ADCY10: variants seen among roughly 807,000 people sequenced by gnomAD.
ADCY10 encodes the protein adenylate cyclase type 10.
In ADCY10, 156 loss-of-function variants were observed where a neutral mutation model predicts 183.3. The ratio of observed to expected loss-of-function variants is 0.85; its 90% CI spans 0.75 to 0.97. ADCY10 has a LOEUF of 0.97. ADCY10 is among the 50% of genes least tolerant of loss of function. ADCY10 has a pLI of 0.00. For synonymous variants in ADCY10, 645 were observed against 670.0 expected (o/e 0.96, Z 0.58); for missense variants, 1,745 against 1,934.3 (o/e 0.90, Z 1.84).
At chr1:167,858,699 GACATTGAAAGATGAGC>G (rs1666080812) in intron 16 of ADCY10, among the ~76,000 whole-genome samples, 1 of 152,098 alleles carries the variant, frequency 6.6e-6, no homozygotes, top group East Asian at 1.9e-4. Context: ...CCAAAGAGGT[GACATTGAAAGATGAGC>G]ACCATTTCTC....
chr1:167,820,018 T>C, intron 30 of ADCY10: 1 of 1,564,728 alleles, frequency 6.4e-7, no homozygotes, highest in South Asian at 1.1e-5. Flanking sequence ...CTTTCTTCTT[T>C]TTTCCTATGA....
intron 30 of ADCY10, among the ~76,000 whole-genome samples, chr1:167,819,353 C>A (rs1053105900): frequency 6.7e-6 from 1 of 149,634 alleles, no homozygotes; most frequent in Non-Finnish European, 1.5e-5. Flanking sequence ...CTGGTTGAAG[C>A]AATTCTCCTG....
rs191827277 is a variant in ADCY10, at chr1:167,885,100, G to A, written c.829-1472C>T. Among the ~76,000 whole-genome samples, 11 of 150,112 alleles carry A rather than the reference G, an allele frequency of 7.3e-5. No homozygotes were observed. In the East Asian group the frequency reaches 1.6e-3, roughly 21 times the overall value. On this transcript the variant is annotated intron_variant, in intron 8 of 32. Coordinates refer to ENST00000367851, the MANE Select transcript of ADCY10 (RefSeq NM_018417.6). ...TATAATGACCTCCACTTCCATCCAC[G>A]TTGTTGCAAATGACAGATCTCATTT...
chr1:167,818,209 G>T lies in ADCY10; in HGVS notation c.4345C>A (p.Leu1449Ile), dbSNP rs749690491. 1.9e-6 allele frequency: 3 copies of T among 1,614,140 alleles called. No homozygotes were observed. The highest frequency in any genetic ancestry group is 2.5e-6 in the Non-Finnish European group (3 of 1,180,012). ...FYKFSNRAKN[L>I]LPRRTMTLTY... Reference sequence around the variant, plus strand: ...AGTGTCATGGTTCTTCTTGGCAAAAGATTTTTAGCTCTATTGGAAAATTTG... The same window carrying T: ...AGTGTCATGGTTCTTCTTGGCAAAATATTTTTAGCTCTATTGGAAAATTTG... Residue 1449 changes from leucine to isoleucine, a missense_variant, in exon 31 of 33, where the codon CTT becomes ATT. Transcript: ENST00000367851.
At chr1:167,822,201 C>T (rs201493845) in intron 29 of ADCY10, 60 bp from the exon 30 acceptor site, 13 of 1,104,876 alleles carry the variant, frequency 1.2e-5, no homozygotes, top group Non-Finnish European at 1.8e-5. Flanking sequence ...TCTTTCTAGC[C>T]TAGTCACTCT....
intron 8 of ADCY10, among the ~76,000 whole-genome samples, chr1:167,887,281 G>T (rs1444082620): frequency 1.3e-5 from 2 of 152,166 alleles, no homozygotes; most frequent in African/African-American, 2.4e-5. Flanking sequence ...CAATAGCAAA[G>T]ACCTGGAACC....
Position 167,810,829 on chromosome 1 carries a change from A to G in ADCY10, c.4567T>C (p.Leu1523=). Residue 1523 remains leucine, a synonymous_variant, in exon 32 of 33, where the codon TTA becomes CTA. Transcript: ENST00000367851. ...LYHLMAYVCI[L]MGDGQKCGLF... The stretch of plus-strand genomic sequence containing the variant: ...CCACATTTCTGCCCATCTCCCATTA[A>G]TATACAGACGTAAGCCATCAGGTGG... 1.9e-6 allele frequency: 3 copies of G among 1,614,212 alleles called. No homozygotes were observed. Among genetic ancestry groups the G allele is most frequent in the South Asian group, 2.2e-5 (2 of 91,084 alleles).
chr1:167,877,295 G>A (rs1488854036), intron 12 of ADCY10, among the ~76,000 whole-genome samples: 2 of 150,266 alleles, frequency 1.3e-5, no homozygotes, highest in African/African-American at 2.5e-5. Context: ...AGTACCTGAT[G>A]TTTAATAAGT....
intron 14 of ADCY10, among the ~76,000 whole-genome samples, chr1:167,861,532 C>T (rs1259137224): frequency 6.6e-6 from 1 of 152,222 alleles, no homozygotes; most frequent in Non-Finnish European, 1.5e-5. Context: ...CATGCCTTTG[C>T]TTATGCTGTC....
chr1:167,899,691 G>T, intron 5 of ADCY10, 63 bp from the exon 6 acceptor site: 1 of 1,531,218 alleles, frequency 6.5e-7, no homozygotes, highest in Non-Finnish European at 9.0e-7. Flanking sequence ...AGCAGCACAG[G>T]TTTTTGGAAA....
intron 14 of ADCY10, among the ~76,000 whole-genome samples, chr1:167,865,211 ATG>A (rs1223827863): frequency 1.3e-5 from 2 of 152,220 alleles, no homozygotes; most frequent in Non-Finnish European, 2.9e-5. Flanking sequence ...AGGCATAAGA[ATG>A]TGGATTTTTA....
rs1469239505 is a variant in ADCY10 at position 167,899,471 on chromosome 1, G to A, written c.594C>T (p.Asp198=). Residue 198 remains aspartate, a synonymous_variant, in exon 6 of 33, where the codon GAC becomes GAT. Transcript: ENST00000367851. The stretch of plus-strand genomic sequence containing the variant: ...CACTCTCAATTTCAATCATGCTCCG[G>A]TCACAGAGCTGCCAGCAGTTTGGTG... ...ILSPNCWQLC[D]RSMIEIESVP... 5.0e-6 allele frequency: 8 copies of A among 1,614,192 alleles called. No individual in the cohort carries two copies. The highest frequency in any genetic ancestry group is 1.6e-4 in the Middle Eastern group (1 of 6,062).
At chr1:167,840,833 AG>A (rs1275747287) in intron 21 of ADCY10, among the ~76,000 whole-genome samples, 1 of 152,212 alleles carries the variant, frequency 6.6e-6, no homozygotes, top group African/African-American at 2.4e-5. Flanking sequence ...ATGGTTTCAA[AG>A]AACTAAAACT....
chr1:167,880,184 A>T lies in ADCY10; in HGVS notation c.1147T>A (p.Ser383Thr). 1.9e-6 allele frequency: 3 copies of T among 1,612,846 alleles called. No individual in the cohort carries two copies. The highest frequency in any genetic ancestry group is 2.5e-6 in the Non-Finnish European group (3 of 1,179,390). The change falls in exon 11 of 33, where the codon TCC becomes ACC. Residue 383 changes from serine to threonine, a missense_variant. Transcript: ENST00000367851. ...CSQVHKIQTV[S>T]IGVASGIVFC... ...ACAATCCCACTGGCAACACCGATGG[A>T]TACAGTTCTGGTGCAGGGGAGACAA...
At chr1:167,895,774 T>G (rs1668933379) in intron 7 of ADCY10, among the ~76,000 whole-genome samples, 1 of 152,204 alleles carries the variant, frequency 6.6e-6, no homozygotes, top group South Asian at 2.1e-4. Flanking sequence ...TGATACAGTC[T>G]TCTCACTTGC....
At position 167,905,194 on chromosome 1, in the gene ADCY10, G is replaced by A; in HGVS notation, c.-54C>T. 1.9e-6 allele frequency: 3 copies of A among 1,598,974 alleles called. No individual in the cohort carries two copies. Among genetic ancestry groups the A allele is most frequent in the East Asian group, 4.5e-5 (2 of 44,804 alleles). On this transcript the variant is annotated 5_prime_UTR_variant, in exon 2 of 33. Transcript: ENST00000367851. ...GTGACAGGAAGCAGTCTCCAAATAG[G>A]TCTTCTAAAAAGAAAATTGAAATAG...
intron 9 of ADCY10, among the ~76,000 whole-genome samples, chr1:167,882,841 G>A (rs1356834926): frequency 2.0e-5 from 3 of 152,114 alleles, no homozygotes; most frequent in African/African-American, 7.2e-5. Context: ...CCTTGTCCTG[G>A]TATCCTAATC....
At chr1:167,823,219 G>T in intron 28 of ADCY10, 96 bp from the exon 29 acceptor site, 1 of 950,322 alleles carries the variant, frequency 1.1e-6, no homozygotes, top group African/African-American at 1.6e-5. Flanking sequence ...GAGGTCAGGA[G>T]TTCGAGACCA....
chr1:167,882,530 C>T (rs910484097), intron 9 of ADCY10, among the ~76,000 whole-genome samples: 1 of 150,234 alleles, frequency 6.7e-6, no homozygotes. Context: ...ACCTGGGAGC[C>T]AGAGGCAGTC....
Sources: allele counts gnomAD v4.1 joint callset (sites outside exome capture counted in the v4.1 genomes callset), GRCh38; gene constraint gnomAD v4.1.1; transcripts MANE v1.5; gene names NCBI Gene and HGNC (gene_info 2026-07-23, HGNC 2026-07-21).